LILRA2: variants seen among roughly 807,000 people sequenced by gnomAD.
The protein encoded by LILRA2 is leukocyte immunoglobulin like receptor A2, also known as leukocyte immunoglobulin-like receptor subfamily A member 2.
In LILRA2, 45 loss-of-function variants were observed where a neutral mutation model predicts 47.9. That is an observed-to-expected ratio of 0.94 (90% CI 0.74 to 1.20). The LOEUF (loss-of-function observed/expected upper bound fraction) is 1.20, where lower values mean the gene tolerates loss of function less well. LILRA2 is among the 50% of genes most tolerant of loss of function. The probability of loss-of-function intolerance (pLI) is 0.00; values close to 1 mark genes in which losing one functional copy is unlikely to be tolerated. For missense variants in LILRA2, 651 were observed against 598.2 expected (o/e 1.09, Z -0.92); for synonymous variants, 279 against 249.2 (o/e 1.12, Z -1.13).
chr19:54,573,370 T>A (rs1199929464), upstream of LILRA2: 2 of 769,880 alleles, frequency 2.6e-6, no homozygotes, highest in Non-Finnish European at 2.2e-6. Context: ...CTGATCTGAG[T>A]CTAACTGCAG....
In LILRA2 at chr19:54,589,718, T is replaced by G. The variant is rs272407; in HGVS notation, c.*2372T>G. 9,600 of 152,104 alleles carry G rather than the reference T, an allele frequency of 0.063. 393 individuals carry two copies. The highest frequency in any genetic ancestry group is 0.11 in the Admixed American group (1,684 of 15,278). 9.4% of individuals were successfully genotyped at this position (152,104 alleles called of 1,614,324 possible). ...TCGGAGGCTCTCCTGCCTATCAGCT[T>G]TTCTCCTCTGTGCTTTCCATGTCCC... On this transcript the variant is annotated 3_prime_UTR_variant, in exon 8 of 8. Coordinates refer to ENST00000391738, the MANE Select transcript of LILRA2 (RefSeq NM_001130917.3).
intron 6 of LILRA2, among the ~76,000 whole-genome samples, chr19:54,579,863 T>A (rs1408887624): frequency 6.6e-6 from 1 of 152,204 alleles, no homozygotes; most frequent in Non-Finnish European, 1.5e-5. Context: ...TTTATTCTCT[T>A]TGTAGTAATT....
chr19:54,574,006 AAGATCCC>A, intron 1 of LILRA2, 63 bp from the exon 2 acceptor site: 1 of 1,613,442 alleles, frequency 6.2e-7, no homozygotes, highest in South Asian at 1.1e-5. Context: ...GGGGCTCACA[AAGATCCC>A]AGGGAGGGGA....
intron 6 of LILRA2, among the ~76,000 whole-genome samples, chr19:54,577,228 T>G (rs2062489479): frequency 6.7e-6 from 1 of 150,036 alleles, no homozygotes; most frequent in Non-Finnish European, 1.5e-5. Context: ...TGTCTCCAAT[T>G]TTCTACCAAA....
At chr19:54,573,414 G>A, upstream of LILRA2, 1 of 976,242 alleles carries the variant, frequency 1.0e-6, no homozygotes, top group Non-Finnish European at 1.6e-6. Flanking sequence ...GCATCTCCAG[G>A]GCTGGAGGGA....
chr19:54,583,523 T>C (rs2062704588), intron 6 of LILRA2, among the ~76,000 whole-genome samples: 1 of 152,200 alleles, frequency 6.6e-6, no homozygotes, highest in African/African-American at 2.4e-5. Flanking sequence ...TTTACCATAA[T>C]GTAGTGGCCT....
intron 6 of LILRA2, 126 bp downstream of exon 6, chr19:54,576,235 C>A: frequency 2.4e-6 from 3 of 1,236,054 alleles, no homozygotes; most frequent in Non-Finnish European, 2.3e-6. Flanking sequence ...AGGGTCCAGC[C>A]CATGGGAGAG....
Position 54,575,780 on chromosome 19 carries a change from C to T in LILRA2, c.953-27C>T, listed in dbSNP as rs541883830. On this transcript the variant is annotated intron_variant, in intron 5 of 7. Transcript: ENST00000391738. Reference sequence around the variant, plus strand: ...CTCAGCTCAGAACAAGGTGGGGCAGCCCCTCACCCATCCTTCTTCTCTCTA... The same window carrying T: ...CTCAGCTCAGAACAAGGTGGGGCAGTCCCTCACCCATCCTTCTTCTCTCTA... 71 of 1,611,908 alleles carry T rather than the reference C, an allele frequency of 4.4e-5. No individual in the cohort carries two copies. In the South Asian group the frequency reaches 6.0e-4, roughly 14 times the overall value.
At position 54,576,325 on chromosome 19, in the gene LILRA2, G is replaced by A. The variant is rs561640332; in HGVS notation, c.1255+216G>A. Among the ~76,000 whole-genome samples, 65 of 59,398 alleles carry A rather than the reference G, an allele frequency of 1.1e-3. No individual in the cohort carries two copies. The South Asian group carries it at 0.016, about 14-fold the overall frequency. 39.0% of individuals were successfully genotyped at this position (59,398 alleles called of 152,430 possible). ...AGAGCATGAAGGGCTGGGAGGAGAC[G>A]GGGGCGGGGGGGCGGGTGGTGAACC... On this transcript the variant is annotated intron_variant, in intron 6 of 7. Transcript: ENST00000391738.
In LILRA2 at chr19:54,587,557, T is replaced by C; in HGVS notation, c.*211T>C. The C allele has an allele frequency of 2.2e-6, 2 of 891,628 alleles. No homozygotes were observed. The highest frequency in any genetic ancestry group is 3.3e-6 in the Non-Finnish European group (2 of 606,976). The allele number at this position is 891,628 out of a possible 1,614,324, so 55.2% of individuals were successfully genotyped here. A position where few individuals can be genotyped will look rare whatever the true frequency, so the allele number is the denominator to read the frequency against. The stretch of plus-strand genomic sequence containing the variant: ...AAACTGTGGTACATTTTTTTGTCTA[T>C]GAATGTTGACTTCCCTTGACTGGAT... On this transcript the variant is annotated 3_prime_UTR_variant, in exon 8 of 8. Transcript: ENST00000391738.
chr19:54,575,033 G>A lies in LILRA2; in HGVS notation c.655G>A (p.Gly219Ser), dbSNP rs780164004. ...PSDLLELLVP[G>S]VSKKPSLSVQ... The stretch of plus-strand genomic sequence containing the variant: ...TGATCTCCTGGAGCTCCTGGTCCCA[G>A]GTGAGAAATTCACAGAATTGCTTGG... Residue 219 changes from glycine to serine, a missense_variant and splice_region_variant, in exon 4 of 8, where the codon GGT becomes AGT. Transcript: ENST00000391738. 1.2e-6 allele frequency: 2 copies of A among 1,612,686 alleles called. No homozygotes were observed. The highest frequency in any genetic ancestry group is 2.2e-5 in the East Asian group (1 of 44,842).
At position 54,577,488 on chromosome 19, in the gene LILRA2, C is replaced by G; in HGVS notation, c.1255+1379C>G. Reference sequence around the variant, plus strand: ...AGAGCCCCTGAGTATAAGCCCTTCACCCACACCTGCGGGGTCCCTGGGCCA... The same window carrying G: ...AGAGCCCCTGAGTATAAGCCCTTCAGCCACACCTGCGGGGTCCCTGGGCCA... On this transcript the variant is annotated intron_variant, in intron 6 of 7. Transcript: ENST00000391738. 2.3e-6 allele frequency: 3 copies of G among 1,289,134 alleles called. No homozygotes were observed. The South Asian group carries it at 3.7e-5, about 16-fold the overall frequency. The allele number at this position is 1,289,134 out of a possible 1,614,324, so 79.9% of individuals were successfully genotyped here. A position where few individuals can be genotyped will look rare whatever the true frequency, so the allele number is the denominator to read the frequency against.
chr19:54,575,896 G>A lies in LILRA2; in HGVS notation c.1042G>A (p.Gly348Arg), dbSNP rs1600206293. 1 of 1,612,280 alleles carries A rather than the reference G, an allele frequency of 6.2e-7. No homozygotes were observed. The highest frequency in any genetic ancestry group is 1.7e-5 in the Admixed American group (1 of 59,976). ...KNVTLLCQSR[G>R]QFHTFLLTKE... is the part of the protein sequence containing the mutation. ...CGTGACCCTGCTGTGTCAGTCACGG[G>A]GGCAGTTCCACACTTTCCTTCTGAC... Residue 348 changes from glycine to arginine, a missense_variant, in exon 6 of 8, where the codon GGG becomes AGG. Coordinates refer to ENST00000391738, the MANE Select transcript of LILRA2 (RefSeq NM_001130917.3).
At chr19:54,583,503 A>G (rs1316202034) in intron 6 of LILRA2, among the ~76,000 whole-genome samples, 1 of 152,090 alleles carries the variant, frequency 6.6e-6, no homozygotes, top group Admixed American at 6.6e-5. Flanking sequence ...CTTCTTGTTG[A>G]ATTGATCCCT....
At chr19:54,581,954 T>A (rs1266475015) in intron 6 of LILRA2, among the ~76,000 whole-genome samples, 1 of 152,260 alleles carries the variant, frequency 6.6e-6, no homozygotes, top group Non-Finnish European at 1.5e-5. Flanking sequence ...GTTCCATCAG[T>A]ACCGAGTTTA....
rs762429605 is a variant in LILRA2 at position 54,586,730 on chromosome 19, T to C, written c.1256-280T>C. 3.6e-3 allele frequency among the ~76,000 whole-genome samples: 550 copies of C among 152,200 alleles called. No homozygotes were observed. In the South Asian group the frequency reaches 0.072, roughly 20 times the overall value. On this transcript the variant is annotated intron_variant, in intron 6 of 7. Coordinates refer to ENST00000391738, the MANE Select transcript of LILRA2 (RefSeq NM_001130917.3). ...GCTGCACAGAGAGCACATAAGGTCC[T>C]GGTTATTTCTGTATTGGGGACCACT...
chr19:54,582,147 C>T lies in LILRA2; in HGVS notation c.1256-4863C>T, dbSNP rs183015446. ...AGCTGACTTGGTCATGGTGGGTAAG[C>T]TTTTTGATGTGCTGCTGGATTTGGT... On this transcript the variant is annotated intron_variant, in intron 6 of 7. Transcript: ENST00000391738. 9.4e-3 allele frequency among the ~76,000 whole-genome samples: 1,426 copies of T among 152,254 alleles called. 23 individuals carry two copies. The highest frequency in any genetic ancestry group is 0.033 in the African/African-American group (1,358 of 41,548).
chr19:54,577,719 G>A lies in LILRA2; in HGVS notation c.1255+1610G>A, dbSNP rs188729893. 256 of 1,250,416 alleles carry A rather than the reference G, an allele frequency of 2.0e-4. 2 individuals carry two copies. The African/African-American group carries it at 3.6e-3, about 18-fold the overall frequency. 77.5% of individuals were successfully genotyped at this position (1,250,416 alleles called of 1,614,324 possible). On this transcript the variant is annotated intron_variant, in intron 6 of 7. Transcript: ENST00000391738. ...GGCCCTGCACCTGCTCCCTGGACAAGTCAGGCAAGTATTCACAGCACGTCT... is the reference window on the plus strand; with the variant it reads ...GGCCCTGCACCTGCTCCCTGGACAAATCAGGCAAGTATTCACAGCACGTCT...
chr19:54,584,842 A>G (rs1197663329), intron 6 of LILRA2, among the ~76,000 whole-genome samples: 1 of 152,096 alleles, frequency 6.6e-6, no homozygotes, highest in Non-Finnish European at 1.5e-5. Context: ...GATCCTTTGG[A>G]AGAGAAGAGG....
Sources: allele counts gnomAD v4.1 joint callset (sites outside exome capture counted in the v4.1 genomes callset), GRCh38; gene constraint gnomAD v4.1.1; transcripts MANE v1.5; gene names NCBI Gene and HGNC (gene_info 2026-07-23, HGNC 2026-07-21).